GRAMD1B: variants seen among roughly 807,000 people sequenced by gnomAD.
The protein encoded by GRAMD1B is GRAM domain containing 1B.
GRAMD1B carries 37 observed loss-of-function variants against 99.7 expected under a neutral mutation model. The observed-to-expected ratio is 0.37, with a 90% CI of 0.29 to 0.49. The LOEUF (loss-of-function observed/expected upper bound fraction) is 0.49, where lower values mean the gene tolerates loss of function less well. GRAMD1B is among the 20% of genes least tolerant of loss of function. The pLI is 0.98. For missense variants in GRAMD1B, 888 were observed against 1,009.2 expected (o/e 0.88, Z 1.63); for synonymous variants, 427 against 387.6 (o/e 1.10, Z -1.19).
intron 1 of GRAMD1B, among the ~76,000 whole-genome samples, chr11:123,453,370 G>A (rs190435643): frequency 4.6e-5 from 7 of 152,128 alleles, no homozygotes; most frequent in Admixed American, 4.6e-4. Flanking sequence ...AGGCTGGAGT[G>A]CAGTGGTGCA....
chr11:123,441,864 C>T (rs570279554), intron 1 of GRAMD1B, among the ~76,000 whole-genome samples: 2 of 152,148 alleles, frequency 1.3e-5, no homozygotes, highest in African/African-American at 2.4e-5. Context: ...ATATCAAGGG[C>T]ATGTTTGGTG....
chr11:123,436,065 C>T (rs2134222919), intron 1 of GRAMD1B, among the ~76,000 whole-genome samples: 1 of 151,554 alleles, frequency 6.6e-6, no homozygotes, highest in South Asian at 2.1e-4. Flanking sequence ...GCCTAAGCCT[C>T]CTGAGTAGCT....
chr11:123,453,875 A>G (rs1046117463), intron 1 of GRAMD1B, among the ~76,000 whole-genome samples: 10 of 152,220 alleles, frequency 6.6e-5, no homozygotes, highest in African/African-American at 2.4e-4. Flanking sequence ...CCAGGTCGCT[A>G]CTGATTGTGA....
At chr11:123,455,418 C>T (rs1314742822) in intron 1 of GRAMD1B, among the ~76,000 whole-genome samples, 1 of 152,174 alleles carries the variant, frequency 6.6e-6, no homozygotes, top group Non-Finnish European at 1.5e-5. Context: ...TGAGCCACCG[C>T]GCCTGGCCAG....
chr11:123,587,713 G>A lies in GRAMD1B; in HGVS notation c.684+3381G>A, dbSNP rs1231896029. ...AGACTTAGCACCCTGCTTGCCTGAA[G>A]CACCTGCAGTTAGGGCTGCAGCTTT... On this transcript the variant is annotated intron_variant, in intron 4 of 19. Coordinates refer to ENST00000635736, the MANE Select transcript of GRAMD1B (RefSeq NM_001387025.1). The surrounding 1 kb of genome is among the most constrained non-coding windows in gnomAD (Gnocchi z 4.2). Among the ~76,000 whole-genome samples the A allele has an allele frequency of 6.6e-6, 1 of 152,174 alleles. No individual in the cohort carries two copies. The highest frequency in any genetic ancestry group is 1.5e-5 in the Non-Finnish European group (1 of 68,034).
chr11:123,468,939 GTTTA>G (rs1950848665), intron 1 of GRAMD1B, among the ~76,000 whole-genome samples: 1 of 152,114 alleles, frequency 6.6e-6, no homozygotes, highest in Admixed American at 6.5e-5. Flanking sequence ...ATGTGTGGGT[GTTTA>G]TTTAATTCTC....
chr11:123,451,329 A>G (rs1210384320), intron 1 of GRAMD1B, among the ~76,000 whole-genome samples: 1 of 152,192 alleles, frequency 6.6e-6, no homozygotes, highest in Admixed American at 6.5e-5. Context: ...GGCAGATGTA[A>G]TGAGTAGACC....
At chr11:123,616,663 C>T (rs1035741255) in intron 17 of GRAMD1B, among the ~76,000 whole-genome samples, 2 of 152,258 alleles carry the variant, frequency 1.3e-5, no homozygotes, top group African/African-American at 4.8e-5. Context: ...GCTGACACAG[C>T]ACAGCTTGCC....
At chr11:123,390,869 CCATGG>C (rs1947253219) in intron 1 of GRAMD1B, among the ~76,000 whole-genome samples, 1 of 152,198 alleles carries the variant, frequency 6.6e-6, no homozygotes. Context: ...TCACTTGATT[CCATGG>C]CACTTTACTC....
chr11:123,554,658 C>T (rs1007962218), intron 2 of GRAMD1B, among the ~76,000 whole-genome samples: 4 of 152,016 alleles, frequency 2.6e-5, no homozygotes, highest in African/African-American at 9.7e-5. Flanking sequence ...TGCAGTGAGC[C>T]GAGATTGTGC....
At chr11:123,555,515 A>AT (rs953417339) in intron 2 of GRAMD1B, among the ~76,000 whole-genome samples, 1 of 151,684 alleles carries the variant, frequency 6.6e-6, no homozygotes, top group African/African-American at 2.4e-5. Flanking sequence ...CACCTGGCTA[A>AT]TTTTTTGTAT....
At chr11:123,467,836 TCCC>T (rs1950774703) in intron 1 of GRAMD1B, among the ~76,000 whole-genome samples, 12 of 82,532 alleles carry the variant, frequency 1.5e-4, no homozygotes, top group Non-Finnish European at 1.7e-4. Flanking sequence ...CCTCCCTCCC[TCCC>T]TCCCTTCCTT....
chr11:123,601,852 C>T (rs924141728), intron 8 of GRAMD1B, among the ~76,000 whole-genome samples: 1 of 152,196 alleles, frequency 6.6e-6, no homozygotes, highest in African/African-American at 2.4e-5. Flanking sequence ...AATGCCCTCA[C>T]AAATAATTGT....
chr11:123,596,812 C>T (rs898229699), intron 7 of GRAMD1B, among the ~76,000 whole-genome samples: 6 of 152,178 alleles, frequency 3.9e-5, no homozygotes, highest in Non-Finnish European at 8.8e-5. Context: ...TCCTGTCCTG[C>T]AGCAGGCCTG....
intron 1 of GRAMD1B, among the ~76,000 whole-genome samples, chr11:123,447,922 A>G (rs1431256074): frequency 6.6e-6 from 1 of 152,018 alleles, no homozygotes; most frequent in Non-Finnish European, 1.5e-5. Context: ...CTCCCACAAT[A>G]GTTATCTTAA....
intron 11 of GRAMD1B, 44 bp from the exon 12 acceptor site, chr11:123,608,615 C>T: frequency 6.4e-7 from 1 of 1,563,814 alleles, no homozygotes. Flanking sequence ...GCCCCCTCCC[C>T]CTCCGCTGTC....
intron 5 of GRAMD1B, among the ~76,000 whole-genome samples, chr11:123,594,476 C>T (rs1352056156): frequency 6.6e-6 from 1 of 152,224 alleles, no homozygotes; most frequent in Non-Finnish European, 1.5e-5. Context: ...GTCTTTTCCA[C>T]CTCTTGCTTC....
chr11:123,494,492 C>T (rs1383621772), intron 2 of GRAMD1B, among the ~76,000 whole-genome samples: 1 of 151,422 alleles, frequency 6.6e-6, no homozygotes, highest in Admixed American at 6.6e-5. Flanking sequence ...GTGAGTGCTC[C>T]TGTCTTGCTC....
intron 2 of GRAMD1B, among the ~76,000 whole-genome samples, chr11:123,548,291 A>AAT (rs139996126): frequency 0.1 from 7,644 of 74,372 alleles, 423 homozygotes; most frequent in Non-Finnish European, 0.14. Flanking sequence ...GCTGTGCCAA[A>AAT]ATATATATAT....
Sources: allele counts gnomAD v4.1 joint callset (sites outside exome capture counted in the v4.1 genomes callset), GRCh38; gene constraint gnomAD v4.1.1; non-coding constraint Gnocchi (gnomAD v3.1); transcripts MANE v1.5; gene names NCBI Gene and HGNC (gene_info 2026-07-23, HGNC 2026-07-21).